Variants in PRP4K observed in about 807,000 individuals in gnomAD.
PRP4K encodes the protein pre-mRNA processing factor kinase PRP4K.
the PRP4K span, chr6:4,057,309 A>G: frequency 2.0e-5 from 19 of 958,216 alleles, no homozygotes; most frequent in Non-Finnish European, 2.8e-5. Context: ...GTAGATGGCT[A>G]TCATGATTTC....
At chr6:4,063,306 C>T in the PRP4K span, 12,669 of 152,070 alleles carry the variant, frequency 0.083, 605 homozygotes, top group Non-Finnish European at 0.098. Flanking sequence ...CCCAGTTTCT[C>T]CTCCCCTAAA....
At chr6:4,029,593 TC>T in the PRP4K span, among the ~76,000 whole-genome samples, 1 of 152,142 alleles carries the variant, frequency 6.6e-6, no homozygotes, top group Non-Finnish European at 1.5e-5. Context: ...GTTCAAGTGA[TC>T]CTCCTGCCTT....
the PRP4K span, among the ~76,000 whole-genome samples, chr6:4,030,165 A>G: frequency 6.6e-6 from 1 of 150,438 alleles, no homozygotes; most frequent in African/African-American, 2.4e-5. Flanking sequence ...CTGGTCTTGA[A>G]CTCCTGACCT....
chr6:4,032,591 A>G, the PRP4K span: 1 of 1,613,938 alleles, frequency 6.2e-7, no homozygotes, highest in Non-Finnish European at 8.5e-7. Context: ...TGTCTCCAAA[A>G]CCACGTGATA....
the PRP4K span, among the ~76,000 whole-genome samples, chr6:4,034,275 C>A: frequency 6.6e-6 from 1 of 152,180 alleles, no homozygotes; most frequent in South Asian, 2.1e-4. Flanking sequence ...CTGACAGCAA[C>A]TGGTATTTCA....
At chr6:4,049,366 T>C in the PRP4K span, 9,697 of 462,404 alleles carry the variant, frequency 0.021, 804 homozygotes, top group African/African-American at 0.18. Flanking sequence ...GAGATAGTCT[T>C]CCAGAAGGAA....
At chr6:4,050,017 TG>T in the PRP4K span, 8 of 55,610 alleles carry the variant, frequency 1.4e-4, no homozygotes, top group East Asian at 3.1e-4. Flanking sequence ...TGGAAACAGT[TG>T]TTTTTTTTTT....
the PRP4K span, chr6:4,056,866 C>T: frequency 1.9e-6 from 2 of 1,065,148 alleles, no homozygotes; most frequent in East Asian, 2.6e-5. Flanking sequence ...AAGTTTGAGT[C>T]TCTATTAAGA....
the PRP4K span, among the ~76,000 whole-genome samples, chr6:4,053,821 A>C: frequency 6.6e-6 from 1 of 152,216 alleles, no homozygotes; most frequent in Admixed American, 6.5e-5. Flanking sequence ...CTGAAGACTA[A>C]AAGCTAAGCG....
chr6:4,046,828 T>C, the PRP4K span, among the ~76,000 whole-genome samples: 3 of 152,218 alleles, frequency 2.0e-5, no homozygotes, highest in Admixed American at 6.5e-5. Context: ...CGACTAATTT[T>C]TGTATTTTTA....
At chr6:4,032,368 G>C in the PRP4K span, 6 of 1,614,032 alleles carry the variant, frequency 3.7e-6, no homozygotes, top group Non-Finnish European at 5.1e-6. Context: ...AATGAAAGTA[G>C]AAGTCGCGAT....
At chr6:4,033,854 T>C in the PRP4K span, among the ~76,000 whole-genome samples, 1 of 152,116 alleles carries the variant, frequency 6.6e-6, no homozygotes, top group South Asian at 2.1e-4. Flanking sequence ...TTTGGCTTCC[T>C]GGATTGAGGC....
chr6:4,042,582 A>G, the PRP4K span: 1 of 1,576,786 alleles, frequency 6.3e-7, no homozygotes, highest in South Asian at 1.2e-5. Flanking sequence ...TGTGATTTTA[A>G]TGAAAAATAA....
chr6:4,047,338 A>T, the PRP4K span: 56 of 1,071,074 alleles, frequency 5.2e-5, no homozygotes, highest in Non-Finnish European at 7.5e-5. Context: ...AATAAAGCAA[A>T]TGTAATAAAT....
the PRP4K span, chr6:4,056,371 A>G: frequency 6.2e-7 from 1 of 1,614,176 alleles, no homozygotes; most frequent in African/African-American, 1.3e-5. Flanking sequence ...GGTCGGCTTC[A>G]CATGTTGCGG....
chr6:4,051,705 A>ATTTTTCT, the PRP4K span, among the ~76,000 whole-genome samples: 7 of 152,172 alleles, frequency 4.6e-5, no homozygotes, highest in African/African-American at 1.4e-4. Flanking sequence ...TTGTTCCTCA[A>ATTTTTCT]TGTTTCTGTT....
chr6:4,042,921 G>A, the PRP4K span, among the ~76,000 whole-genome samples: 2 of 152,184 alleles, frequency 1.3e-5, no homozygotes, highest in East Asian at 1.9e-4. Flanking sequence ...GTTACTGTGT[G>A]AATAAAGTAA....
the PRP4K span, among the ~76,000 whole-genome samples, chr6:4,034,014 G>A: frequency 6.6e-6 from 1 of 152,094 alleles, no homozygotes; most frequent in Non-Finnish European, 1.5e-5. Context: ...TTAAATTACA[G>A]AAGTGATGCA....
chr6:4,052,135 T>G, the PRP4K span: 1 of 1,509,500 alleles, frequency 6.6e-7, no homozygotes, highest in African/African-American at 1.4e-5. Flanking sequence ...CAAATTTAAC[T>G]TCTTCATCTT....
Sources: gnomAD v4.1 joint callset for allele counts (sites outside exome capture counted in the v4.1 genomes callset) on GRCh38, gnomAD v4.1.1 for gene constraint, MANE v1.5 for transcripts, NCBI Gene and HGNC (gene_info 2026-07-23, HGNC 2026-07-21) for gene names.